The following JAM3 variants were observed in gnomAD, a reference collection of about 807,000 sequenced individuals.
JAM3 encodes junctional adhesion molecule 3, also known as junctional adhesion molecule C.
Under a neutral mutation model 39.4 loss-of-function variants are expected in JAM3, and 31 were observed. That is an observed-to-expected ratio of 0.79 (90% CI 0.59 to 1.06). The LOEUF is 1.06. Ranked by LOEUF, JAM3 falls within the 50% of genes least tolerant of loss-of-function variation. The pLI, the probability that JAM3 is intolerant of heterozygous loss-of-function variation, is 0.00. For missense variants in JAM3, 455 were observed against 391.4 expected, an observed-to-expected ratio of 1.16 and a Z score of -1.37; for synonymous variants, 182 against 148.7, an observed-to-expected ratio of 1.22 and a Z score of -1.63.
chr11:134,107,751 T>C (rs1360662496), intron 1 of JAM3, among the ~76,000 whole-genome samples: 1 of 152,114 alleles, frequency 6.6e-6, no homozygotes, highest in African/African-American at 2.4e-5. Context: ...TAGTCCCAGC[T>C]ACTTGGGACA....
intron 1 of JAM3, among the ~76,000 whole-genome samples, chr11:134,132,184 G>C (rs762115622): frequency 5.3e-5 from 8 of 152,278 alleles, no homozygotes; most frequent in Non-Finnish European, 8.8e-5. Context: ...CCCAGAGAGA[G>C]GTGACTCAGC....
At chr11:134,130,513 C>T (rs968767152) in intron 1 of JAM3, among the ~76,000 whole-genome samples, 7 of 152,102 alleles carry the variant, frequency 4.6e-5, no homozygotes, top group African/African-American at 1.7e-4. Flanking sequence ...AAGTTCCAAG[C>T]TCCTGTTCAC....
chr11:134,069,226 A>G, intron 1 of JAM3, 67 bp downstream of exon 1: 1 of 1,561,624 alleles, frequency 6.4e-7, no homozygotes, highest in African/African-American at 1.4e-5. Context: ...AGCGGGCCGA[A>G]GCTGCTGGAG....
chr11:134,130,569 TTGTAGAAGC>T (rs1191322533), intron 1 of JAM3, among the ~76,000 whole-genome samples: 6 of 152,166 alleles, frequency 3.9e-5, no homozygotes, highest in Non-Finnish European at 7.4e-5. Context: ...TGAACCGACG[TTGTAGAAGC>T]TCTGAAATCA....
At chr11:134,112,825 G>A (rs505834) in intron 1 of JAM3, among the ~76,000 whole-genome samples, 11 of 152,152 alleles carry the variant, frequency 7.2e-5, no homozygotes, top group Non-Finnish European at 4.4e-5. Context: ...CGTGTAAGAG[G>A]ATATGACCTC....
intron 1 of JAM3, among the ~76,000 whole-genome samples, chr11:134,136,475 G>A (rs1274301928): frequency 6.6e-6 from 1 of 152,182 alleles, no homozygotes. Flanking sequence ...TTTTAAAGTG[G>A]CACCTTGGTC....
chr11:134,111,077 C>T (rs1942299408), intron 1 of JAM3, among the ~76,000 whole-genome samples: 1 of 149,372 alleles, frequency 6.7e-6, no homozygotes, highest in African/African-American at 2.5e-5. Flanking sequence ...TTTGTTCTCA[C>T]TCTACCTTTC....
chr11:134,107,047 G>T (rs1267782847), intron 1 of JAM3, among the ~76,000 whole-genome samples: 1 of 152,092 alleles, frequency 6.6e-6, no homozygotes, highest in African/African-American at 2.4e-5. Flanking sequence ...GTGTATTGTG[G>T]CACTATTCAC....
rs1027522586 is a variant in JAM3 at position 134,151,419 on chromosome 11, C to T, written c.*2238C>T. The stretch of plus-strand genomic sequence containing the variant: ...CAGCGTTGGGGATTCACGCTCCAGC[C>T]TCCTTCTTGGTTGTCATAGTGATAG... On this transcript the variant is annotated 3_prime_UTR_variant, in exon 9 of 9. Transcript: ENST00000299106. The T allele has an allele frequency of 6.6e-6, 1 of 152,170 alleles. No homozygotes were observed. The highest frequency in any genetic ancestry group is 1.5e-5 in the Non-Finnish European group (1 of 68,050). The allele number at this position is 152,170 out of a possible 1,614,324, so 9.4% of individuals were successfully genotyped here. A position where few individuals can be genotyped will look rare whatever the true frequency, so the allele number is the denominator to read the frequency against.
At chr11:134,123,723 A>G (rs1942583236) in intron 1 of JAM3, 2 of 565,640 alleles carry the variant, frequency 3.5e-6, no homozygotes, top group South Asian at 1.9e-5. Flanking sequence ...TGAATCCATC[A>G]CTACTTTGAT....
intron 3 of JAM3, among the ~76,000 whole-genome samples, chr11:134,142,218 G>C (rs1487450093): frequency 6.6e-6 from 1 of 152,132 alleles, no homozygotes; most frequent in Non-Finnish European, 1.5e-5. Context: ...CGAGGGAGAC[G>C]GTTTCCCGCA....
chr11:134,147,549 C>T (rs1376918538), intron 6 of JAM3, among the ~76,000 whole-genome samples: 1 of 150,288 alleles, frequency 6.7e-6, no homozygotes, highest in Admixed American at 6.6e-5. Context: ...TGCAGTGGCA[C>T]AATCTCGGCT....
intron 1 of JAM3, 83 bp from the exon 2 acceptor site, chr11:134,139,768 G>A (rs1591805469): frequency 3.8e-6 from 4 of 1,044,490 alleles, no homozygotes; most frequent in East Asian, 2.4e-5. Flanking sequence ...AGCCTACGCA[G>A]ACGGGAAAAC....
chr11:134,076,231 C>T (rs376810770), intron 1 of JAM3, among the ~76,000 whole-genome samples: 23 of 148,778 alleles, frequency 1.5e-4, no homozygotes, highest in South Asian at 1.5e-3. Flanking sequence ...CTCGGCTCAC[C>T]GCAACTGCCA....
intron 1 of JAM3, among the ~76,000 whole-genome samples, chr11:134,125,271 G>T (rs1458386003): frequency 6.6e-6 from 1 of 152,236 alleles, no homozygotes; most frequent in Non-Finnish European, 1.5e-5. Flanking sequence ...GGAAGAGATG[G>T]CTGTGTTGAA....
chr11:134,072,646 T>C (rs1195739508), intron 1 of JAM3, among the ~76,000 whole-genome samples: 1 of 152,180 alleles, frequency 6.6e-6, no homozygotes, highest in African/African-American at 2.4e-5. Context: ...GTTGGCCGGG[T>C]ACAGTGGCTC....
intron 1 of JAM3, among the ~76,000 whole-genome samples, chr11:134,118,212 A>C (rs1315692584): frequency 6.6e-6 from 1 of 152,236 alleles, no homozygotes. Flanking sequence ...CAGTACCTCT[A>C]AGATGGGTCT....
chr11:134,107,026 T>C (rs1942204942), intron 1 of JAM3, among the ~76,000 whole-genome samples: 1 of 152,206 alleles, frequency 6.6e-6, no homozygotes, highest in Non-Finnish European at 1.5e-5. Flanking sequence ...TAAAGACACA[T>C]GCACACGTAT....
intron 1 of JAM3, among the ~76,000 whole-genome samples, chr11:134,101,991 C>A (rs1330457664): frequency 1.3e-5 from 2 of 152,118 alleles, no homozygotes; most frequent in Admixed American, 1.3e-4. Flanking sequence ...GAGTTTGAGG[C>A]TACAGGGAGT....
Sources: gnomAD v4.1 joint callset for allele counts (sites outside exome capture counted in the v4.1 genomes callset) on GRCh38, gnomAD v4.1.1 for gene constraint, MANE v1.5 for transcripts, NCBI Gene and HGNC (gene_info 2026-07-23, HGNC 2026-07-21) for gene names.